NEGR1: variants seen among roughly 807,000 people sequenced by gnomAD.
The protein encoded by NEGR1 is neuronal growth regulator 1, also known as IgLON family member 4.
Under a neutral mutation model 40.9 loss-of-function variants are expected in NEGR1, and 10 were observed. The ratio of observed to expected loss-of-function variants is 0.24; its 90% confidence interval spans 0.15 to 0.42. The LOEUF (loss-of-function observed/expected upper bound fraction) is 0.42. NEGR1 is among the 10% of genes least tolerant of loss of function. The pLI is 1.00. For synonymous variants in NEGR1, 185 were observed against 166.8 expected, an observed-to-expected ratio of 1.11 and a Z score of -0.84; for missense variants, 352 against 438.9, an observed-to-expected ratio of 0.80 and a Z score of 1.77.
intron 1 of NEGR1, among the ~76,000 whole-genome samples, chr1:72,050,261 A>G (rs950342471): frequency 2.6e-5 from 4 of 151,570 alleles, no homozygotes; most frequent in African/African-American, 9.7e-5. Context: ...TTTGTAAACA[A>G]TAGTTATATG....
chr1:71,513,343 G>C (rs931430495), intron 6 of NEGR1, among the ~76,000 whole-genome samples: 8 of 152,124 alleles, frequency 5.3e-5, no homozygotes, highest in Non-Finnish European at 8.8e-5. Flanking sequence ...TTTTCATCTT[G>C]GAGAATCTGC....
intron 1 of NEGR1, among the ~76,000 whole-genome samples, chr1:72,114,471 T>C (rs916078837): frequency 6.6e-6 from 1 of 151,696 alleles, no homozygotes; most frequent in African/African-American, 2.4e-5. Flanking sequence ...TAGATGATAA[T>C]GACAGATAGA....
intron 6 of NEGR1, among the ~76,000 whole-genome samples, chr1:71,445,344 T>C (rs1410689687): frequency 1.3e-5 from 2 of 151,842 alleles, no homozygotes; most frequent in Non-Finnish European, 2.9e-5. Flanking sequence ...AAAATTGTCT[T>C]AAAGCAAAGA....
intron 2 of NEGR1, among the ~76,000 whole-genome samples, chr1:71,824,149 T>A (rs540122347): frequency 2.6e-5 from 4 of 151,866 alleles, no homozygotes; most frequent in Non-Finnish European, 4.4e-5. Flanking sequence ...GAAAAAAAAA[T>A]TGGCTACTCT....
chr1:71,770,596 T>C (rs1009347375), intron 3 of NEGR1, among the ~76,000 whole-genome samples: 16 of 152,344 alleles, frequency 1.1e-4, no homozygotes, highest in African/African-American at 3.8e-4. Context: ...TATTTTCTTA[T>C]GCCAGAAAGC....
At chr1:71,560,144 T>C (rs1648400857) in intron 6 of NEGR1, among the ~76,000 whole-genome samples, 1 of 151,330 alleles carries the variant, frequency 6.6e-6, no homozygotes, top group Non-Finnish European at 1.5e-5. Context: ...TTATGAGAAC[T>C]TTTTTGTTCC....
chr1:71,627,126 C>A (rs1650813181), intron 4 of NEGR1, among the ~76,000 whole-genome samples: 1 of 152,074 alleles, frequency 6.6e-6, no homozygotes, highest in Non-Finnish European at 1.5e-5. Flanking sequence ...TACCATTTGA[C>A]CCAGCCATCC....
At chr1:71,650,669 T>C (rs944356967) in intron 4 of NEGR1, among the ~76,000 whole-genome samples, 1 of 152,166 alleles carries the variant, frequency 6.6e-6, no homozygotes, top group Non-Finnish European at 1.5e-5. Context: ...TTTCTATCCA[T>C]AAAGCTTTAT....
intron 1 of NEGR1, among the ~76,000 whole-genome samples, chr1:71,948,953 A>G (rs960732078): frequency 6.6e-6 from 1 of 152,052 alleles, no homozygotes; most frequent in African/African-American, 2.4e-5. Context: ...AGTCACTCTA[A>G]AAAGTTAACC....
chr1:71,601,267 A>T (rs1354057485), intron 5 of NEGR1, among the ~76,000 whole-genome samples: 1 of 152,226 alleles, frequency 6.6e-6, no homozygotes, highest in Non-Finnish European at 1.5e-5. Flanking sequence ...CCACAATGAA[A>T]TACCACCTCA....
chr1:71,433,504 G>A (rs527731762), intron 6 of NEGR1, among the ~76,000 whole-genome samples: 16 of 152,172 alleles, frequency 1.1e-4, no homozygotes, highest in Non-Finnish European at 1.9e-4. Flanking sequence ...AGAAAAAGAG[G>A]TTTAATTGGA....
At chr1:72,073,043 G>T (rs1351929146) in intron 1 of NEGR1, among the ~76,000 whole-genome samples, 2 of 152,122 alleles carry the variant, frequency 1.3e-5, no homozygotes, top group African/African-American at 4.8e-5. Flanking sequence ...GAATGCTCCT[G>T]GCATTAAACA....
intron 4 of NEGR1, among the ~76,000 whole-genome samples, chr1:71,695,733 C>A (rs537973068): frequency 6.6e-6 from 1 of 151,904 alleles, no homozygotes; most frequent in South Asian, 2.1e-4. Flanking sequence ...ACTTTGTAAG[C>A]AGAGACACTG....
At chr1:71,787,661 C>T (rs942755621) in intron 2 of NEGR1, among the ~76,000 whole-genome samples, 2 of 152,104 alleles carry the variant, frequency 1.3e-5, no homozygotes, top group African/African-American at 4.8e-5. Context: ...CATGAAGACA[C>T]TTCATCATTA....
chr1:72,197,655 G>C (rs959633315), intron 1 of NEGR1, among the ~76,000 whole-genome samples: 7 of 151,892 alleles, frequency 4.6e-5, no homozygotes, highest in African/African-American at 1.4e-4. Flanking sequence ...ATGCTGAAAC[G>C]TTTCTCCATT....
At chr1:71,767,375 A>G (rs1419865480) in intron 3 of NEGR1, among the ~76,000 whole-genome samples, 1 of 152,178 alleles carries the variant, frequency 6.6e-6, no homozygotes, top group Non-Finnish European at 1.5e-5. Context: ...GCAAGGCTGT[A>G]TTGTGCCCCT....
At chr1:71,950,042 C>A (rs1646055054) in intron 1 of NEGR1, among the ~76,000 whole-genome samples, 1 of 151,872 alleles carries the variant, frequency 6.6e-6, no homozygotes, top group African/African-American at 2.4e-5. Flanking sequence ...ACTGAGGAAA[C>A]CTTACTCATT....
At chr1:71,669,445 ATAT>A (rs1249032813) in intron 4 of NEGR1, among the ~76,000 whole-genome samples, 8 of 151,910 alleles carry the variant, frequency 5.3e-5, no homozygotes, top group African/African-American at 1.9e-4. Flanking sequence ...TATTTTTATT[ATAT>A]TATTCTTTCT....
At chr1:72,189,954 A>C (rs146060543) in intron 1 of NEGR1, among the ~76,000 whole-genome samples, 26 of 151,632 alleles carry the variant, frequency 1.7e-4, no homozygotes, top group African/African-American at 6.3e-4. Context: ...ATATCCTTTC[A>C]TTTCTTTCCT....
Sources: gnomAD v4.1 joint callset for allele counts (sites outside exome capture counted in the v4.1 genomes callset) on GRCh38, gnomAD v4.1.1 for gene constraint, MANE v1.5 for transcripts, NCBI Gene and HGNC (gene_info 2026-07-23, HGNC 2026-07-21) for gene names.